Variants in SLC16A7 observed in about 807,000 individuals in gnomAD.
SLC16A7 encodes solute carrier family 16 member 7.
Under a neutral mutation model 34.9 loss-of-function variants are expected in SLC16A7, and 33 were observed. The ratio of observed to expected loss-of-function variants is 0.94; its 90% CI spans 0.72 to 1.26. The LOEUF (loss-of-function observed/expected upper bound fraction) is 1.26, where lower values mean the gene tolerates loss of function less well. Among genes scored for constraint, SLC16A7 ranks in the 50% most tolerant of loss-of-function variants. SLC16A7 has a pLI of 0.00. For synonymous variants in SLC16A7, 201 were observed against 206.6 expected, an observed-to-expected ratio of 0.97 and a Z score of 0.23; for missense variants, 573 against 578.1, an observed-to-expected ratio of 0.99 and a Z score of 0.09.
chr12:59,696,214 C>T lies in SLC16A7; in HGVS notation c.-30-8558C>T, dbSNP rs187700969. On this transcript the variant is annotated intron_variant, in intron 2 of 5. Coordinates refer to ENST00000547379, the MANE Select transcript of SLC16A7 (RefSeq NM_001270623.2). ...CTTTTTATTTTAATTTTTTCTCATG[C>T]GCATGTTTGGTCATTTTAGTCATAT... 1.5e-3 allele frequency among the ~76,000 whole-genome samples: 221 copies of T among 150,890 alleles called. 1 individual carries two copies. Among genetic ancestry groups the T allele is most frequent in the Middle Eastern group, 6.8e-3 (2 of 292 alleles).
intron 3 of SLC16A7, among the ~76,000 whole-genome samples, chr12:59,751,275 C>T (rs1014959918): frequency 9.2e-5 from 14 of 152,312 alleles, no homozygotes; most frequent in South Asian, 4.1e-4. Context: ...TGCAGCGCAC[C>T]GTGTGCGAGC....
chr12:59,764,602 G>C (rs200902942), intron 3 of SLC16A7, among the ~76,000 whole-genome samples: 1 of 151,596 alleles, frequency 6.6e-6, no homozygotes, highest in Non-Finnish European at 1.5e-5. Flanking sequence ...TTGTCCTTGC[G>C]ATAGTTTGCT....
intron 1 of SLC16A7, among the ~76,000 whole-genome samples, chr12:59,612,542 C>T (rs1238781896): frequency 6.6e-6 from 1 of 152,206 alleles, no homozygotes; most frequent in Non-Finnish European, 1.5e-5. Flanking sequence ...CATTTGGCTT[C>T]TTGTTACTTA....
chr12:59,779,170 C>CTTGT (rs575675026), intron 5 of SLC16A7, among the ~76,000 whole-genome samples: 13 of 151,862 alleles, frequency 8.6e-5, no homozygotes, highest in Non-Finnish European at 1.9e-4. Flanking sequence ...CCTAGTTTGT[C>CTTGT]TTGTTTGTAT....
chr12:59,714,530 G>A (rs771933790), intron 3 of SLC16A7, among the ~76,000 whole-genome samples: 10 of 151,534 alleles, frequency 6.6e-5, no homozygotes, highest in Non-Finnish European at 1.5e-4. Flanking sequence ...CTTTGCATGT[G>A]CACCCACCCC....
chr12:59,695,077 A>T (rs1010865367), intron 2 of SLC16A7, among the ~76,000 whole-genome samples: 1 of 151,912 alleles, frequency 6.6e-6, no homozygotes, highest in African/African-American at 2.4e-5. Context: ...GCTGGCCTGT[A>T]TAAATTATAT....
intron 1 of SLC16A7, among the ~76,000 whole-genome samples, chr12:59,638,090 G>A (rs1284667583): frequency 6.6e-6 from 1 of 152,060 alleles, no homozygotes; most frequent in Non-Finnish European, 1.5e-5. Context: ...GATTCATTTT[G>A]TAAGCTGTCT....
rs1429517114 is a variant in SLC16A7 at position 59,762,384 on chromosome 12, T to A, written c.218-8835T>A. 2.6e-5 allele frequency among the ~76,000 whole-genome samples: 4 copies of A among 152,098 alleles called. No individual in the cohort carries two copies. In the East Asian group the frequency reaches 5.8e-4, roughly 22 times the overall value. ...CATAAGTACGTTTCTATTATTATAC[T>A]ATTTATATAGTTATGACACATTGTG... On this transcript the variant is annotated intron_variant, in intron 3 of 5. Transcript: ENST00000547379.
At chr12:59,773,822 C>G (rs1391748616) in intron 4 of SLC16A7, among the ~76,000 whole-genome samples, 1 of 152,030 alleles carries the variant, frequency 6.6e-6, no homozygotes, top group Non-Finnish European at 1.5e-5. Context: ...CCTGGCCTCC[C>G]AAAGTGCTGG....
At chr12:59,710,479 G>C (rs999802194) in intron 3 of SLC16A7, among the ~76,000 whole-genome samples, 1 of 151,890 alleles carries the variant, frequency 6.6e-6, no homozygotes, top group African/African-American at 2.4e-5. Context: ...AGTGTGCTTA[G>C]AGCCTTTGAA....
chr12:59,607,560 A>G (rs1879002621), intron 1 of SLC16A7, among the ~76,000 whole-genome samples: 1 of 152,184 alleles, frequency 6.6e-6, no homozygotes, highest in Admixed American at 6.5e-5. Context: ...AAAATCACTG[A>G]TCTAGGATAT....
At chr12:59,727,389 C>T (rs1876416175) in intron 3 of SLC16A7, among the ~76,000 whole-genome samples, 1 of 151,894 alleles carries the variant, frequency 6.6e-6, no homozygotes, top group Admixed American at 6.6e-5. Flanking sequence ...TATTTTGCAG[C>T]ATTGGGACAC....
At chr12:59,661,428 G>C (rs541799758) in intron 2 of SLC16A7, among the ~76,000 whole-genome samples, 1 of 152,200 alleles carries the variant, frequency 6.6e-6, no homozygotes, top group African/African-American at 2.4e-5. Flanking sequence ...GAATGTTAGT[G>C]CATTTAATAG....
chr12:59,724,037 T>A (rs1617129), intron 3 of SLC16A7, among the ~76,000 whole-genome samples: 1 of 151,980 alleles, frequency 6.6e-6, no homozygotes, highest in African/African-American at 2.4e-5. Context: ...GGCCTACCGA[T>A]TGATATATGT....
chr12:59,758,885 C>T (rs1020965515), intron 3 of SLC16A7, among the ~76,000 whole-genome samples: 5 of 151,880 alleles, frequency 3.3e-5, no homozygotes, highest in Non-Finnish European at 7.4e-5. Context: ...TATTTTAATG[C>T]GTGTATGTAT....
intron 3 of SLC16A7, among the ~76,000 whole-genome samples, chr12:59,740,847 A>G (rs1878240282): frequency 6.6e-6 from 1 of 152,120 alleles, no homozygotes; most frequent in African/African-American, 2.4e-5. Context: ...TAAGCTGATA[A>G]GCAACTTCAG....
chr12:59,663,972 C>T, intron 2 of SLC16A7, among the ~76,000 whole-genome samples: 1 of 152,068 alleles, frequency 6.6e-6, no homozygotes, highest in Non-Finnish European at 1.5e-5. Flanking sequence ...TTGTATCTTT[C>T]ACATAGGAAA....
chr12:59,621,861 A>G (rs1879710461), intron 1 of SLC16A7, among the ~76,000 whole-genome samples: 1 of 151,742 alleles, frequency 6.6e-6, no homozygotes, highest in African/African-American at 2.4e-5. Context: ...ATGGAAATCT[A>G]TCTTTGTTTT....
At chr12:59,694,624 G>A (rs181605670) in intron 2 of SLC16A7, among the ~76,000 whole-genome samples, 1 of 151,944 alleles carries the variant, frequency 6.6e-6, no homozygotes, top group Admixed American at 6.6e-5. Context: ...AGATCTCTAA[G>A]ATCTATTCAT....
Sources: allele counts gnomAD v4.1 joint callset (sites outside exome capture counted in the v4.1 genomes callset), GRCh38; gene constraint gnomAD v4.1.1; transcripts MANE v1.5; gene names NCBI Gene and HGNC (gene_info 2026-07-23, HGNC 2026-07-21).